EIF2AK3: variants seen among roughly 807,000 people sequenced by gnomAD.
EIF2AK3 encodes the protein eukaryotic translation initiation factor 2 alpha kinase 3.
In EIF2AK3, 50 loss-of-function variants were observed where a neutral mutation model predicts 113.5. The ratio of observed to expected loss-of-function variants is 0.44; its 90% CI spans 0.35 to 0.56. The LOEUF is 0.56. EIF2AK3 is among the 20% of genes least tolerant of loss of function. The probability of loss-of-function intolerance (pLI) is 0.00; values close to 1 mark genes in which losing one functional copy is unlikely to be tolerated. For missense variants in EIF2AK3, 1,185 were observed against 1,378.0 expected (o/e 0.86, Z 2.22); for synonymous variants, 448 against 495.4 (o/e 0.90, Z 1.27).
At chr2:88,596,593 G>A (rs1252722117) in intron 2 of EIF2AK3, among the ~76,000 whole-genome samples, 2 of 152,128 alleles carry the variant, frequency 1.3e-5, no homozygotes, top group African/African-American at 2.4e-5. Context: ...AAGTCTTAAC[G>A]TGAGAGAGTT....
At chr2:88,580,121 A>G (rs1353312620) in intron 10 of EIF2AK3, among the ~76,000 whole-genome samples, 2 of 152,214 alleles carry the variant, frequency 1.3e-5, no homozygotes, top group African/African-American at 4.8e-5. Flanking sequence ...CTTCCTAGGA[A>G]CCAAAGCTGA....
At chr2:88,583,373 AAGATCTT>A in intron 10 of EIF2AK3, 50 bp downstream of exon 10, 1 of 1,377,852 alleles carries the variant, frequency 7.3e-7, no homozygotes, top group Non-Finnish European at 1.0e-6. Flanking sequence ...AAAGTTAAAC[AAGATCTT>A]AGGTCATTTC....
intron 2 of EIF2AK3, among the ~76,000 whole-genome samples, chr2:88,599,261 T>C (rs1675095657): frequency 6.6e-6 from 1 of 152,056 alleles, no homozygotes; most frequent in African/African-American, 2.4e-5. Context: ...CACTGGTATA[T>C]ACCTTACCTA....
At chr2:88,566,409 A>G (rs1252262602) in intron 14 of EIF2AK3, among the ~76,000 whole-genome samples, 1 of 152,204 alleles carries the variant, frequency 6.6e-6, no homozygotes, top group Non-Finnish European at 1.5e-5. Context: ...CCTCCTGAGT[A>G]GCTGAGATTA....
At chr2:88,590,788 G>A (rs763653333) in intron 5 of EIF2AK3, 30 bp downstream of exon 5, 25 of 1,609,344 alleles carry the variant, frequency 1.6e-5, no homozygotes, top group African/African-American at 4.0e-5. Context: ...AGGAAGAACC[G>A]TATTTTAAAT....
At chr2:88,592,579 C>T (rs1348405052) in intron 4 of EIF2AK3, among the ~76,000 whole-genome samples, 2 of 152,004 alleles carry the variant, frequency 1.3e-5, no homozygotes, top group East Asian at 1.9e-4. Context: ...GCCTAACCAA[C>T]GTGGAGAAAC....
In EIF2AK3 at chr2:88,557,408, T is replaced by A. The variant is rs1365765197; in HGVS notation, c.*328A>T. The stretch of plus-strand genomic sequence containing the variant: ...CCTTCTTCTGCATTATAAAAATATA[T>A]CCATTTTAGTTCTCACTATATATAT... On this transcript the variant is annotated 3_prime_UTR_variant, in exon 17 of 17. Transcript: ENST00000303236. 3.5e-6 allele frequency: 1 copy of A among 283,486 alleles called. No homozygotes were observed. Among genetic ancestry groups the A allele is most frequent in the African/African-American group, 2.2e-5 (1 of 46,408 alleles). The allele number at this position is 283,486 out of a possible 1,614,324, so 17.6% of individuals were successfully genotyped here.
At chr2:88,559,145 T>G (rs914266551) in intron 15 of EIF2AK3, among the ~76,000 whole-genome samples, 166 bp from the exon 16 acceptor site, 1 of 152,330 alleles carries the variant, frequency 6.6e-6, no homozygotes, top group African/African-American at 2.4e-5. Flanking sequence ...TGAGCACAGA[T>G]GTACACTCCA....
Position 88,557,231 on chromosome 2 carries a change from T to C in EIF2AK3, c.*505A>G, listed in dbSNP as rs1673801093. 5.8e-6 allele frequency: 1 copy of C among 171,638 alleles called. No individual in the cohort carries two copies. The allele number at this position is 171,638 out of a possible 1,614,324, so 10.6% of individuals were successfully genotyped here. On this transcript the variant is annotated 3_prime_UTR_variant, in exon 17 of 17. Coordinates refer to ENST00000303236, the MANE Select transcript of EIF2AK3 (RefSeq NM_004836.7). The stretch of plus-strand genomic sequence containing the variant: ...TACGGACATAAACCGTTATACAGTT[T>C]GTGCTACTTGTCCTCCAAAATAGTG...
At chr2:88,587,162 G>GC (rs1674756548) in intron 8 of EIF2AK3, among the ~76,000 whole-genome samples, 1 of 124,664 alleles carries the variant, frequency 8.0e-6, no homozygotes, top group African/African-American at 3.1e-5. Flanking sequence ...CCGAGATTGT[G>GC]CCACTGCACT....
chr2:88,560,533 G>A (rs1422935920), intron 15 of EIF2AK3, among the ~76,000 whole-genome samples: 1 of 152,142 alleles, frequency 6.6e-6, no homozygotes, highest in Non-Finnish European at 1.5e-5. Flanking sequence ...TTTGCCTCAA[G>A]CTTCCCACGT....
chr2:88,563,212 A>G (rs1435900113), intron 14 of EIF2AK3, among the ~76,000 whole-genome samples: 1 of 152,230 alleles, frequency 6.6e-6, no homozygotes, highest in Non-Finnish European at 1.5e-5. Context: ...TTAACTGGGA[A>G]GTAGAGGTGG....
chr2:88,559,032 A>G (rs1373061959), intron 15 of EIF2AK3, 53 bp from the exon 16 acceptor site: 2 of 1,291,582 alleles, frequency 1.5e-6, no homozygotes, highest in Non-Finnish European at 2.2e-6. Context: ...TACAACATGA[A>G]AATATTTTTT....
At position 88,621,244 on chromosome 2, in the gene EIF2AK3, A is replaced by G. The variant is rs140134836; in HGVS notation, c.308+5723T>C. On this transcript the variant is annotated intron_variant, in intron 1 of 16. Transcript: ENST00000303236. ...GCCACAATGAATACGCAATAAAAAAAGAAAAACTGTGCTGACTTAAGTTAC... is the reference window on the plus strand; with the variant it reads ...GCCACAATGAATACGCAATAAAAAAGGAAAAACTGTGCTGACTTAAGTTAC... Among the ~76,000 whole-genome samples the G allele has an allele frequency of 2.4e-3, 364 of 152,370 alleles. 1 individual carries two copies. The highest frequency in any genetic ancestry group is 8.2e-3 in the African/African-American group (343 of 41,592).
chr2:88,581,081 C>G (rs542288325), intron 10 of EIF2AK3, among the ~76,000 whole-genome samples: 2 of 152,038 alleles, frequency 1.3e-5, no homozygotes, highest in South Asian at 4.2e-4. Flanking sequence ...ATCATCTTGC[C>G]TAAGTTGTCA....
intron 8 of EIF2AK3, 55 bp from the exon 9 acceptor site, chr2:88,586,116 T>C (rs1674725262): frequency 7.4e-7 from 1 of 1,344,336 alleles, no homozygotes. Context: ...AATAGGCCCG[T>C]CTTTAACTAT....
rs1418107245 is a variant in EIF2AK3, at chr2:88,571,124, G to GA, written c.2818-84dup. ...AGAGAATTATTTAAAAGACTACAAA[G>GA]AAAAAATACAACAAACTAGATATTT... On this transcript the variant is annotated intron_variant, in intron 13 of 16. Transcript: ENST00000303236. 10 of 1,451,914 alleles carry GA rather than the reference G, an allele frequency of 6.9e-6. 1 individual carries two copies. The highest frequency in any genetic ancestry group is 5.6e-5 in the African/African-American group (4 of 71,390). The allele number at this position is 1,451,914 out of a possible 1,614,324, so 89.9% of individuals were successfully genotyped here.
intron 2 of EIF2AK3, among the ~76,000 whole-genome samples, chr2:88,603,261 T>C (rs1345643867): frequency 6.6e-6 from 1 of 152,204 alleles, no homozygotes; most frequent in Non-Finnish European, 1.5e-5. Flanking sequence ...TGTCTCACGT[T>C]TCCTTATTTC....
chr2:88,590,881 C>T lies in EIF2AK3; in HGVS notation c.939G>A (p.Ser313=), dbSNP rs372908548. 18 of 1,613,928 alleles carry T rather than the reference C, an allele frequency of 1.1e-5. No homozygotes were observed. Among genetic ancestry groups the T allele is most frequent in the Middle Eastern group, 3.3e-4 (2 of 6,078 alleles). The change falls in exon 5 of 17, where the codon TCG becomes TCA. Residue 313 remains serine (S), a synonymous_variant. Coordinates refer to ENST00000303236, the MANE Select transcript of EIF2AK3 (RefSeq NM_004836.7). ...AAIMDIVIKV[S]VADWKVMAFS... ...ATGCCATAACTTTCCAGTCAGCAAC[C>T]GAAACCTTTATCACTATGTCCATTA...
Sources: gnomAD v4.1 joint callset for allele counts (sites outside exome capture counted in the v4.1 genomes callset) on GRCh38, gnomAD v4.1.1 for gene constraint, MANE v1.5 for transcripts, NCBI Gene and HGNC (gene_info 2026-07-23, HGNC 2026-07-21) for gene names.